FADS1: variants seen among roughly 807,000 people sequenced by gnomAD.
The protein encoded by FADS1 is fatty acid desaturase 1, also known as acyl-CoA (8-3)-desaturase.
In FADS1, 17 loss-of-function variants were observed where a neutral mutation model predicts 61.6. That is an observed-to-expected ratio of 0.28 (90% confidence interval 0.19 to 0.41). FADS1 has a LOEUF of 0.41. FADS1 is among the 10% of genes least tolerant of loss of function. The probability of loss-of-function intolerance (pLI) is 1.00; values close to 1 mark genes in which losing one functional copy is unlikely to be tolerated. For missense variants in FADS1, 387 were observed against 650.9 expected (o/e 0.59, Z 4.41); for synonymous variants, 238 against 258.7 (o/e 0.92, Z 0.77).
At position 61,802,767 on chromosome 11, in the gene FADS1, C is replaced by G. The variant is rs2066865464; in HGVS notation, c.1454+34G>C. 6.2e-7 allele frequency: 1 copy of G among 1,613,600 alleles called. No individual in the cohort carries two copies. Among genetic ancestry groups the G allele is most frequent in the African/African-American group, 1.3e-5 (1 of 74,922 alleles). ...TTCCATTGCCCTGCCCTCTTCCCTC[C>G]CTACTAGCCATCTTCCTGGTCTCAG... On this transcript the variant is annotated intron_variant, in intron 11 of 11. Coordinates refer to ENST00000350997, the MANE Select transcript of FADS1 (RefSeq NM_013402.7). The surrounding 1 kb of genome is among the most constrained non-coding windows in gnomAD (Gnocchi z 4.2).
chr11:61,805,802 C>T (rs1029148223), intron 6 of FADS1: 4 of 152,186 alleles, frequency 2.6e-5, no homozygotes, highest in South Asian at 2.1e-4. Flanking sequence ...GTGGCACAAT[C>T]GGAGCTTACT....
At chr11:61,804,307 CT>C (rs1280890441) in intron 7 of FADS1, 2 of 221,622 alleles carry the variant, frequency 9.0e-6, no homozygotes, top group Non-Finnish European at 1.8e-5. Flanking sequence ...AGTCAGGCCC[CT>C]TTTGGAGTCC....
intron 3 of FADS1, 92 bp from the exon 4 acceptor site, chr11:61,811,167 T>A: frequency 1.1e-6 from 1 of 897,256 alleles, no homozygotes; most frequent in Non-Finnish European, 1.8e-6. Flanking sequence ...TCCCACTTCC[T>A]TCATCTGCCA....
In FADS1 at chr11:61,816,464, T is replaced by C. The variant is rs1281287502; in HGVS notation, c.375+91A>G. ...GCCTCCGGGCTTTCCTCCGAATTAG[T>C]CGGTGTTTGGCTCGGAGTGCGTAAC... is the stretch of plus-strand genomic sequence containing the variant. On this transcript the variant is annotated intron_variant, in intron 1 of 11. Transcript: ENST00000350997. This position sits in a 1 kb window ranked among gnomAD's most constrained non-coding sequence, Gnocchi z 7.0. 1 of 1,600,770 alleles carries C rather than the reference T, an allele frequency of 6.2e-7. No individual in the cohort carries two copies.
At position 61,800,907 on chromosome 11, in the gene FADS1, A is replaced by G. The variant is rs547791071; in HGVS notation, c.*1504T>C. On this transcript the variant is annotated 3_prime_UTR_variant, in exon 12 of 12. Transcript: ENST00000350997. ...GGGCTAAACTGTTTATCTTTTAAAA[A>G]CCAGATGATTAAAAAGTTACATTTT... 1.2e-4 allele frequency: 18 copies of G among 152,384 alleles called. No individual in the cohort carries two copies. Among genetic ancestry groups the G allele is most frequent in the African/African-American group, 4.3e-4 (18 of 41,538 alleles). 9.4% of individuals were successfully genotyped at this position (152,384 alleles called of 1,614,324 possible).
Position 61,803,663 on chromosome 11 carries a change from A to ATAC in FADS1, c.1151+4_1151+6dup. 1 of 1,608,442 alleles carries ATAC rather than the reference A, an allele frequency of 6.2e-7. No individual in the cohort carries two copies. Among genetic ancestry groups the ATAC allele is most frequent in the South Asian group, 1.1e-5 (1 of 90,972 alleles). On this transcript the variant is annotated splice_region_variant and intron_variant, in intron 8 of 11. Coordinates refer to ENST00000350997, the MANE Select transcript of FADS1 (RefSeq NM_013402.7). The surrounding 1 kb of genome is among the most constrained non-coding windows in gnomAD (Gnocchi z 4.3). Reference sequence around the variant, plus strand: ...ACCAGTCCCTATCCGCCCCCACCGAATACTACCTGACTATGAAGAAAAGGC... The same window carrying ATAC: ...ACCAGTCCCTATCCGCCCCCACCGAATACTACTACCTGACTATGAAGAAAAGGC...
chr11:61,804,656 T>C, intron 7 of FADS1, 29 bp downstream of exon 7: 1 of 1,594,788 alleles, frequency 6.3e-7, no homozygotes, highest in Non-Finnish European at 8.6e-7. Context: ...GAGACAAGGA[T>C]GTGGGCTTCT....
chr11:61,799,743 T>TA lies in FADS1; in HGVS notation c.*2667dup, dbSNP rs946490572. 6.6e-6 allele frequency: 1 copy of TA among 152,358 alleles called. No individual in the cohort carries two copies. Among genetic ancestry groups the TA allele is most frequent in the Admixed American group, 6.5e-5 (1 of 15,282 alleles). The allele number at this position is 152,358 out of a possible 1,614,324, so 9.4% of individuals were successfully genotyped here. A position where few individuals can be genotyped will look rare whatever the true frequency, so the allele number is the denominator to read the frequency against. ...TTAAAAAATGCCTCTGGCCAGGTTG[T>TA]AAAAAAGTGAAAGTAACAAAGATAA... On this transcript the variant is annotated 3_prime_UTR_variant, in exon 12 of 12. Coordinates refer to ENST00000350997, the MANE Select transcript of FADS1 (RefSeq NM_013402.7).
In FADS1 at chr11:61,816,595, C is replaced by A; in HGVS notation, c.335G>T (p.Gly112Val). ...ISEFTRRHPG[G>V]SRVISHYAGQ... is the part of the protein sequence containing the mutation. ...GGCGTAGTGGCTGATGACCCGGGAGCCCCCTGGATGCCGGCGGGTGAACTC... is the reference window on the plus strand; with the variant it reads ...GGCGTAGTGGCTGATGACCCGGGAGACCCCTGGATGCCGGCGGGTGAACTC... Residue 112 changes from glycine (G) to valine (V), a missense_variant, in exon 1 of 12, where the codon GGC (glycine) becomes GTC (valine). Transcript: ENST00000350997. This position sits in a 1 kb window ranked among gnomAD's most constrained non-coding sequence, Gnocchi z 7.0. 6.2e-7 allele frequency: 1 copy of A among 1,609,700 alleles called. No individual in the cohort carries two copies. Among genetic ancestry groups the A allele is most frequent in the Non-Finnish European group, 8.5e-7 (1 of 1,178,850 alleles).
rs1168483246 is a variant in FADS1 at position 61,816,666 on chromosome 11, G to T, written c.264C>A (p.Cys88Ter). 6.3e-7 allele frequency: 1 copy of T among 1,595,856 alleles called. No homozygotes were observed. The highest frequency in any genetic ancestry group is 8.5e-7 in the Non-Finnish European group (1 of 1,172,044). Residue 88 changes from cysteine (C) to a stop codon, truncating the protein, a stop_gained, in exon 1 of 12, where the codon TGC becomes TGA. Coordinates refer to ENST00000350997, the MANE Select transcript of FADS1 (RefSeq NM_013402.7). LOFTEE classifies it high-confidence loss of function. This position sits in a 1 kb window ranked among gnomAD's most constrained non-coding sequence, Gnocchi z 7.0. ...GGTCGATCACTAGCCACCGCTCCTC[G>T]CACCCTGAGCGCTGGGCCACCTCGT... The part of the protein sequence containing the change: ...TWDEVAQRSG[C>*]EERWLVIDRK...
chr11:61,802,681 G>A lies in FADS1; in HGVS notation c.1454+120C>T. ...TAAAGAATCCTGCCTTTGCCATGGT[G>A]AACTCCATCCCACACGACTGGGAAC... On this transcript the variant is annotated intron_variant, in intron 11 of 11. Transcript: ENST00000350997. The surrounding 1 kb of genome is among the most constrained non-coding windows in gnomAD (Gnocchi z 4.2). 6.9e-7 allele frequency: 1 copy of A among 1,453,488 alleles called. No individual in the cohort carries two copies. The highest frequency in any genetic ancestry group is 9.5e-7 in the Non-Finnish European group (1 of 1,051,872). The allele number at this position is 1,453,488 out of a possible 1,614,324, so 90.0% of individuals were successfully genotyped here.
At position 61,803,116 on chromosome 11, in the gene FADS1, C is replaced by A; in HGVS notation, c.1249-5G>T. ...GACATTGCATGTGGCCTGGAGCTGG[C>A]GGAAAAGGTCAGGGGAGAGCATGTT... On this transcript the variant is annotated splice_region_variant and splice_polypyrimidine_tract_variant and intron_variant, in intron 9 of 11. Transcript: ENST00000350997. The surrounding 1 kb of genome is among the most constrained non-coding windows in gnomAD (Gnocchi z 4.3). The A allele has an allele frequency of 3.1e-6, 5 of 1,613,920 alleles. No homozygotes were observed. Among genetic ancestry groups the A allele is most frequent in the Non-Finnish European group, 3.4e-6 (4 of 1,179,900 alleles).
Position 61,803,521 on chromosome 11 carries a change from C to G in FADS1, c.1152-62G>C, listed in dbSNP as rs1341108297. ...CAGAGCCCAGAATTCTGATTCCCCC[C>G]TCAGATAACTGCTCCAGCCTGTCTA... On this transcript the variant is annotated intron_variant, in intron 8 of 11. Transcript: ENST00000350997. The surrounding 1 kb of genome is among the most constrained non-coding windows in gnomAD (Gnocchi z 4.3). 4.9e-6 allele frequency: 7 copies of G among 1,433,320 alleles called. No homozygotes were observed. Among genetic ancestry groups the G allele is most frequent in the South Asian group, 1.1e-5 (1 of 87,422 alleles). The allele number at this position is 1,433,320 out of a possible 1,614,324, so 88.8% of individuals were successfully genotyped here. A position where few individuals can be genotyped will look rare whatever the true frequency, so the allele number is the denominator to read the frequency against.
chr11:61,801,448 T>G lies in FADS1; in HGVS notation c.*963A>C, dbSNP rs1386515108. 2.0e-5 allele frequency: 3 copies of G among 152,136 alleles called. No homozygotes were observed. The highest frequency in any genetic ancestry group is 4.4e-5 in the Non-Finnish European group (3 of 68,014). The allele number at this position is 152,136 out of a possible 1,614,324, so 9.4% of individuals were successfully genotyped here. ...TGGTTAAAGAGGTGAAAAGAAGAGG[T>G]GAATTAAAAGATGAAAGAGCTTTTT... On this transcript the variant is annotated 3_prime_UTR_variant, in exon 12 of 12. Coordinates refer to ENST00000350997, the MANE Select transcript of FADS1 (RefSeq NM_013402.7).
At chr11:61,813,501 T>C in intron 1 of FADS1, 148 bp from the exon 2 acceptor site, 1 of 617,674 alleles carries the variant, frequency 1.6e-6, no homozygotes, top group East Asian at 2.7e-5. Context: ...CTGGGTCGAG[T>C]GCAGACTTGG....
chr11:61,804,043 A>G, intron 7 of FADS1: 2 of 502,394 alleles, frequency 4.0e-6, no homozygotes, highest in Non-Finnish European at 7.2e-6. Context: ...TAAATCCTTC[A>G]GCATGCCGCC....
Position 61,800,630 on chromosome 11 carries a change from C to G in FADS1, c.*1781G>C, listed in dbSNP as rs1246127173. On this transcript the variant is annotated 3_prime_UTR_variant, in exon 12 of 12. Coordinates refer to ENST00000350997, the MANE Select transcript of FADS1 (RefSeq NM_013402.7). ...TCCCAACATGCCTTAGGACGCTCATCTCCTTGACTGTCTGCCATCCCCTCC... is the reference window on the plus strand; with the variant it reads ...TCCCAACATGCCTTAGGACGCTCATGTCCTTGACTGTCTGCCATCCCCTCC... The G allele has an allele frequency of 6.6e-6, 1 of 152,502 alleles. No homozygotes were observed. Among genetic ancestry groups the G allele is most frequent in the Non-Finnish European group, 1.5e-5 (1 of 68,058 alleles). The allele number at this position is 152,502 out of a possible 1,614,324, so 9.4% of individuals were successfully genotyped here. A position where few individuals can be genotyped will look rare whatever the true frequency, so the allele number is the denominator to read the frequency against.
At chr11:61,808,576 G>A (rs1313423043) in intron 5 of FADS1, among the ~76,000 whole-genome samples, 1 of 152,100 alleles carries the variant, frequency 6.6e-6, no homozygotes, top group Non-Finnish European at 1.5e-5. Context: ...GACCACCAAG[G>A]GTCTAAACAT....
intron 3 of FADS1, chr11:61,811,782 T>A: frequency 2.6e-6 from 1 of 377,426 alleles, no homozygotes; most frequent in Non-Finnish European, 5.3e-6. Context: ...AGAGACGGGG[T>A]TTCACCATGT....
Sources: allele counts gnomAD v4.1 joint callset (sites outside exome capture counted in the v4.1 genomes callset), GRCh38; gene constraint gnomAD v4.1.1; non-coding constraint Gnocchi (gnomAD v3.1); transcripts MANE v1.5; gene names NCBI Gene and HGNC (gene_info 2026-07-23, HGNC 2026-07-21).